The following DMTF1 variants were observed in gnomAD, a reference collection of about 807,000 sequenced individuals.
DMTF1 encodes the protein cyclin D binding myb like transcription factor 1, also known as cyclin-D-binding Myb-like transcription factor 1.
Under a neutral mutation model 91.1 loss-of-function variants are expected in DMTF1, and 39 were observed. The observed-to-expected ratio is 0.43, with a 90% CI of 0.33 to 0.56. The LOEUF (loss-of-function observed/expected upper bound fraction) is 0.56. Among genes scored for constraint, DMTF1 ranks in the 20% least tolerant of loss-of-function variants. The probability of loss-of-function intolerance (pLI) is 0.05; values close to 1 mark genes in which losing one functional copy is unlikely to be tolerated. For synonymous variants in DMTF1, 338 were observed against 309.5 expected (o/e 1.09, Z -0.97); for missense variants, 750 against 914.5 (o/e 0.82, Z 2.32).
intron 7 of DMTF1, among the ~76,000 whole-genome samples, chr7:87,176,130 C>T (rs899071792): frequency 2.0e-5 from 3 of 152,198 alleles, no homozygotes; most frequent in Admixed American, 1.3e-4. Context: ...TGTAGAAACG[C>T]AGTGCTGCCT....
rs1800539526 is a variant in DMTF1 at position 87,194,001 on chromosome 7, CTGA to C, written c.1931_1933del (p.Met644del). ...ATTCAGTGACCAAAATAGCACAGAA[CTGA>C]TGAATAGTGTTATGGTCAGAACAGA... On this transcript the variant is annotated inframe_deletion, in exon 16 of 18. Coordinates refer to ENST00000331242, the MANE Select transcript of DMTF1 (RefSeq NM_001142327.2). 3.1e-6 allele frequency: 5 copies of C among 1,613,260 alleles called. No individual in the cohort carries two copies. In the East Asian group the frequency reaches 1.1e-4, roughly 36 times the overall value.
chr7:87,175,655 G>T (rs1299382222), intron 7 of DMTF1, among the ~76,000 whole-genome samples: 3 of 152,172 alleles, frequency 2.0e-5, no homozygotes, highest in Non-Finnish European at 2.9e-5. Context: ...GAAAATTTTG[G>T]TAGAGAAAGG....
At chr7:87,165,492 C>T (rs1035772696) in intron 3 of DMTF1, among the ~76,000 whole-genome samples, 2 of 152,178 alleles carry the variant, frequency 1.3e-5, no homozygotes, top group South Asian at 4.1e-4. Context: ...CCGACTTGCT[C>T]ATTATTTATG....
At position 87,152,469 on chromosome 7, in the gene DMTF1, C is replaced by G. The variant is rs546711239; in HGVS notation, c.-218C>G. The G allele has an allele frequency of 6.5e-6, 1 of 153,622 alleles. No homozygotes were observed. Among genetic ancestry groups the G allele is most frequent in the African/African-American group, 2.4e-5 (1 of 41,470 alleles). The allele number at this position is 153,622 out of a possible 1,614,324, so 9.5% of individuals were successfully genotyped here. On this transcript the variant is annotated 5_prime_UTR_variant, in exon 1 of 18. Transcript: ENST00000331242. Reference sequence around the variant, plus strand: ...CGCTCGCTCACTCCAGCTGCAGCCACTCTCGCCCGTGGCTGCTTCCTCCAT... The same window carrying G: ...CGCTCGCTCACTCCAGCTGCAGCCAGTCTCGCCCGTGGCTGCTTCCTCCAT...
chr7:87,155,206 TA>T (rs2129041331), intron 1 of DMTF1, among the ~76,000 whole-genome samples: 1 of 152,318 alleles, frequency 6.6e-6, no homozygotes, highest in African/African-American at 2.4e-5. Context: ...TCACTTGTAT[TA>T]AACACACATC....
intron 14 of DMTF1, 85 bp downstream of exon 14, chr7:87,191,112 T>G (rs898937841): frequency 2.3e-6 from 2 of 884,772 alleles, no homozygotes. Flanking sequence ...TTGCTTATGA[T>G]TCATAAAAGT....
intron 13 of DMTF1, among the ~76,000 whole-genome samples, chr7:87,190,090 C>T (rs530247823): frequency 1.2e-4 from 19 of 152,044 alleles, no homozygotes; most frequent in East Asian, 9.7e-4. Context: ...TGACTGCAAG[C>T]GCCAAAAAAG....
intron 4 of DMTF1, among the ~76,000 whole-genome samples, chr7:87,168,396 A>G (rs1794303802): frequency 6.6e-6 from 1 of 151,964 alleles, no homozygotes; most frequent in Admixed American, 6.6e-5. Context: ...TCCATTTGTG[A>G]TCTATTTCAG....
chr7:87,165,915 T>A (rs1481136944), intron 3 of DMTF1, among the ~76,000 whole-genome samples: 1 of 152,242 alleles, frequency 6.6e-6, no homozygotes, highest in Admixed American at 6.5e-5. Flanking sequence ...GTTCAGTTTC[T>A]CATTTCTCAT....
Position 87,170,514 on chromosome 7 carries a change from T to A in DMTF1, c.233-481T>A, listed in dbSNP as rs576720334. On this transcript the variant is annotated intron_variant, in intron 4 of 17. Transcript: ENST00000331242. ...GTGAACACTCCAAGCATGCCCTGTC[T>A]CAGAGCCTTTGCACTTGGCTCTCCT... Among the ~76,000 whole-genome samples the A allele has an allele frequency of 2.0e-5, 3 of 152,334 alleles. No homozygotes were observed. The East Asian group carries it at 5.8e-4, about 29-fold the overall frequency.
At position 87,194,028 on chromosome 7, in the gene DMTF1, G is replaced by A; in HGVS notation, c.1954G>A (p.Glu652Lys). 6.2e-7 allele frequency: 1 copy of A among 1,612,046 alleles called. No homozygotes were observed. Among genetic ancestry groups the A allele is most frequent in the Non-Finnish European group, 8.5e-7 (1 of 1,179,202 alleles). ...ELMNSVMVRT[E>K]EEISDTDLKQ... ...GATGAATAGTGTTATGGTCAGAACAGAAGAAGAAATCTCTGACACCGACCT... is the reference window on the plus strand; with the variant it reads ...GATGAATAGTGTTATGGTCAGAACAAAAGAAGAAATCTCTGACACCGACCT... The change falls in exon 16 of 18, where the codon GAA (glutamate) becomes AAA (lysine). Residue 652 changes from glutamate (E) to lysine (K), a missense_variant. Around this residue, in one of 3 missense-constraint regions of DMTF1, gnomAD observed 410 missense variants for 420.2 expected, o/e 0.98. Transcript: ENST00000331242.
At chr7:87,169,892 C>T (rs1794690478) in intron 4 of DMTF1, among the ~76,000 whole-genome samples, 1 of 152,162 alleles carries the variant, frequency 6.6e-6, no homozygotes, top group Admixed American at 6.6e-5. Context: ...TCTTTGTTTT[C>T]TTTACTCACT....
rs1004779808 is a variant in DMTF1, at chr7:87,184,826, T to G, written c.1049+201T>G. 8.9e-6 allele frequency: 6 copies of G among 676,136 alleles called. No homozygotes were observed. The African/African-American group carries it at 1.1e-4, about 12-fold the overall frequency. The allele number at this position is 676,136 out of a possible 1,614,324, so 41.9% of individuals were successfully genotyped here. A position where few individuals can be genotyped will look rare whatever the true frequency, so the allele number is the denominator to read the frequency against. ...TGTTCCTTTTTTTTTTTAGTGGGTTTAGTGCTCATGCAAAGTACCAGATTG... is the reference window on the plus strand; with the variant it reads ...TGTTCCTTTTTTTTTTTAGTGGGTTGAGTGCTCATGCAAAGTACCAGATTG... On this transcript the variant is annotated intron_variant, in intron 11 of 17. Transcript: ENST00000331242.
chr7:87,156,415 C>T (rs1009747034), intron 1 of DMTF1, among the ~76,000 whole-genome samples: 1 of 151,970 alleles, frequency 6.6e-6, no homozygotes, highest in Non-Finnish European at 1.5e-5. Flanking sequence ...CATATTTTAC[C>T]ATCTTAAAAC....
intron 8 of DMTF1, 142 bp from the exon 9 acceptor site, chr7:87,181,167 C>A: frequency 2.0e-6 from 1 of 502,440 alleles, no homozygotes; most frequent in Non-Finnish European, 3.8e-6. Context: ...TTTTATTAAT[C>A]CACTTTAAAA....
chr7:87,155,996 G>T (rs1790607755), intron 1 of DMTF1, among the ~76,000 whole-genome samples: 1 of 152,076 alleles, frequency 6.6e-6, no homozygotes, highest in Non-Finnish European at 1.5e-5. Flanking sequence ...TTTAGTGCCG[G>T]TGTATATTTT....
intron 11 of DMTF1, chr7:87,185,056 G>A: frequency 2.9e-6 from 1 of 342,350 alleles, no homozygotes; most frequent in East Asian, 7.5e-5. Flanking sequence ...CCAGTCTGTA[G>A]TTACCTCCAC....
intron 3 of DMTF1, 98 bp from the exon 4 acceptor site, chr7:87,166,385 A>C (rs1307014667): frequency 6.1e-6 from 8 of 1,309,750 alleles, no homozygotes; most frequent in Middle Eastern, 2.5e-4. Context: ...TTGGTAAGAA[A>C]ATTTTTTTAA....
At chr7:87,170,948 G>T in intron 4 of DMTF1, 47 bp from the exon 5 acceptor site, 1 of 1,235,066 alleles carries the variant, frequency 8.1e-7, no homozygotes, top group Non-Finnish European at 1.2e-6. Context: ...AGAATAATTA[G>T]AACTTGCCGT....
Sources: allele counts gnomAD v4.1 joint callset (sites outside exome capture counted in the v4.1 genomes callset), GRCh38; gene constraint gnomAD v4.1.1; regional missense constraint gnomAD v4.1.1; transcripts MANE v1.5; gene names NCBI Gene and HGNC (gene_info 2026-07-23, HGNC 2026-07-21).